LDB2: variants seen among roughly 807,000 people sequenced by gnomAD.
The protein encoded by LDB2 is LIM domain-binding protein 2.
LDB2 carries 12 observed loss-of-function variants against 44.3 expected under a neutral mutation model. That is an observed-to-expected ratio of 0.27 (90% CI 0.17 to 0.44). The LOEUF (loss-of-function observed/expected upper bound fraction) is 0.44, where lower values mean the gene tolerates loss of function less well. LDB2 is among the 20% of genes least tolerant of loss of function. The pLI is 1.00. For missense variants in LDB2, 344 were observed against 473.5 expected, an observed-to-expected ratio of 0.73 and a Z score of 2.54; for synonymous variants, 164 against 174.8, an observed-to-expected ratio of 0.94 and a Z score of 0.49.
chr4:16,641,354 G>T (rs1735110142), intron 2 of LDB2, among the ~76,000 whole-genome samples: 1 of 152,178 alleles, frequency 6.6e-6, no homozygotes, highest in South Asian at 2.1e-4. Flanking sequence ...GAAGTTTCTA[G>T]AGTGAGAGCT....
At chr4:16,807,833 G>A (rs1779066990) in intron 1 of LDB2, among the ~76,000 whole-genome samples, 1 of 152,208 alleles carries the variant, frequency 6.6e-6, no homozygotes, top group East Asian at 1.9e-4. Flanking sequence ...TCCAGCCTTG[G>A]CACATGAGAA....
intron 2 of LDB2, among the ~76,000 whole-genome samples, chr4:16,727,938 C>G (rs1165207740): frequency 6.6e-6 from 1 of 152,164 alleles, no homozygotes; most frequent in Non-Finnish European, 1.5e-5. Flanking sequence ...GGAAGGTTTA[C>G]AGTCTAACCA....
intron 1 of LDB2, among the ~76,000 whole-genome samples, chr4:16,777,245 A>T (rs1025187286): frequency 2.6e-5 from 4 of 152,080 alleles, no homozygotes; most frequent in Non-Finnish European, 5.9e-5. Context: ...GAATGACGTG[A>T]GGGTGGAGCA....
At chr4:16,711,297 G>T (rs1291482749) in intron 2 of LDB2, among the ~76,000 whole-genome samples, 1 of 151,908 alleles carries the variant, frequency 6.6e-6, no homozygotes, top group African/African-American at 2.4e-5. Context: ...TTAGGTGGTG[G>T]AGATCTACTT....
At chr4:16,605,395 C>A (rs745731962) in intron 2 of LDB2, among the ~76,000 whole-genome samples, 10 of 151,910 alleles carry the variant, frequency 6.6e-5, no homozygotes, top group Non-Finnish European at 1.3e-4. Flanking sequence ...TTTGATCAAC[C>A]AATGTTGGTT....
intron 2 of LDB2, among the ~76,000 whole-genome samples, chr4:16,643,444 G>A (rs1735772755): frequency 6.6e-6 from 1 of 152,132 alleles, no homozygotes; most frequent in Non-Finnish European, 1.5e-5. Flanking sequence ...AACACATTTA[G>A]CATGGCTAAT....
intron 2 of LDB2, among the ~76,000 whole-genome samples, chr4:16,718,171 T>C (rs1454703617): frequency 6.6e-6 from 1 of 152,088 alleles, no homozygotes; most frequent in Non-Finnish European, 1.5e-5. Context: ...GAATGGTCTA[T>C]TCAGCTTCTA....
At chr4:16,535,077 G>C (rs1023176696) in intron 5 of LDB2, among the ~76,000 whole-genome samples, 1 of 152,182 alleles carries the variant, frequency 6.6e-6, no homozygotes, top group Non-Finnish European at 1.5e-5. Flanking sequence ...AGCCTAGCAG[G>C]CTTTTCCATG....
intron 2 of LDB2, among the ~76,000 whole-genome samples, chr4:16,658,570 T>C (rs1740576918): frequency 6.6e-6 from 1 of 152,102 alleles, no homozygotes; most frequent in African/African-American, 2.4e-5. Flanking sequence ...AGCCTGAAAT[T>C]TTAGATTTTT....
chr4:16,892,831 G>A (rs930807384), intron 1 of LDB2, among the ~76,000 whole-genome samples: 17 of 152,122 alleles, frequency 1.1e-4, no homozygotes, highest in Non-Finnish European at 2.4e-4. Context: ...AATGCATAGC[G>A]TTTAAATCCT....
intron 2 of LDB2, among the ~76,000 whole-genome samples, chr4:16,709,420 A>G (rs1463212804): frequency 6.6e-6 from 1 of 152,170 alleles, no homozygotes; most frequent in East Asian, 1.9e-4. Flanking sequence ...CTGACTTAGA[A>G]TATCATTCAC....
intron 2 of LDB2, among the ~76,000 whole-genome samples, chr4:16,697,152 C>T (rs911009274): frequency 1.3e-5 from 2 of 152,032 alleles, no homozygotes; most frequent in African/African-American, 4.8e-5. Flanking sequence ...GGCCTAGGAA[C>T]GGTGGCTTAC....
chr4:16,693,472 C>T (rs1386365203), intron 2 of LDB2, among the ~76,000 whole-genome samples: 8 of 151,614 alleles, frequency 5.3e-5, no homozygotes, highest in Non-Finnish European at 1.2e-4. Flanking sequence ...TCTTCTGCCT[C>T]AGCCTCCCGA....
intron 1 of LDB2, among the ~76,000 whole-genome samples, chr4:16,846,244 C>T (rs2110144920): frequency 6.6e-6 from 1 of 152,250 alleles, no homozygotes; most frequent in South Asian, 2.1e-4. Flanking sequence ...CATGTTTTTA[C>T]ATTGTCTAAT....
intron 5 of LDB2, among the ~76,000 whole-genome samples, chr4:16,577,752 A>G (rs1220118471): frequency 3.3e-5 from 5 of 152,160 alleles, no homozygotes; most frequent in Non-Finnish European, 5.9e-5. Context: ...CAAAACACCC[A>G]GAATAGCCAA....
At chr4:16,594,764 C>T (rs1018326247) in intron 3 of LDB2, among the ~76,000 whole-genome samples, 2 of 152,182 alleles carry the variant, frequency 1.3e-5, no homozygotes, top group African/African-American at 4.8e-5. Context: ...TCAACCTCTC[C>T]TAAGTATAAA....
chr4:16,661,098 C>T (rs1371490932), intron 2 of LDB2, among the ~76,000 whole-genome samples: 6 of 152,120 alleles, frequency 3.9e-5, no homozygotes, highest in African/African-American at 1.4e-4. Flanking sequence ...ATTACTTTCC[C>T]CCACCTCCCT....
chr4:16,694,416 C>T (rs920493139), intron 2 of LDB2, among the ~76,000 whole-genome samples: 5 of 152,210 alleles, frequency 3.3e-5, no homozygotes, highest in Admixed American at 3.3e-4. Context: ...GGTGCCAGAA[C>T]ATAAGGCTGA....
At chr4:16,818,959 A>C (rs982074479) in intron 1 of LDB2, among the ~76,000 whole-genome samples, 5 of 152,216 alleles carry the variant, frequency 3.3e-5, no homozygotes, top group Non-Finnish European at 7.3e-5. Context: ...TTGTTTTCTG[A>C]ATGTGACTTG....
Sources: gnomAD v4.1 joint callset for allele counts (sites outside exome capture counted in the v4.1 genomes callset) on GRCh38, gnomAD v4.1.1 for gene constraint, MANE v1.5 for transcripts, NCBI Gene and HGNC (gene_info 2026-07-23, HGNC 2026-07-21) for gene names.